Variants in ZMIZ1 observed in about 807,000 individuals in gnomAD.
The protein encoded by ZMIZ1 is zinc finger MIZ domain-containing protein 1.
A neutral mutation model predicts 113.9 loss-of-function variants in ZMIZ1; 17 were observed. The ratio of observed to expected loss-of-function variants is 0.15; its 90% CI spans 0.10 to 0.22. The LOEUF is 0.22. ZMIZ1 is among the 10% of genes least tolerant of loss of function. The pLI is 1.00. For missense variants in ZMIZ1, 1,059 were observed against 1,477.8 expected, an observed-to-expected ratio of 0.72 and a Z score of 4.65; for synonymous variants, 607 against 603.1, an observed-to-expected ratio of 1.01 and a Z score of -0.09.
intron 4 of ZMIZ1, among the ~76,000 whole-genome samples, chr10:79,196,078 C>T (rs886663463): frequency 3.3e-5 from 5 of 152,178 alleles, no homozygotes; most frequent in African/African-American, 9.7e-5. Context: ...GGCCTTTGAC[C>T]CTTTTACTCC....
chr10:79,280,945 T>A (rs1034006383), intron 8 of ZMIZ1, among the ~76,000 whole-genome samples: 1 of 152,354 alleles, frequency 6.6e-6, no homozygotes, highest in East Asian at 1.9e-4. Flanking sequence ...TTATTAATTC[T>A]AACTCAGCCG....
At chr10:79,197,039 C>T (rs1241391537) in intron 4 of ZMIZ1, among the ~76,000 whole-genome samples, 11 of 152,202 alleles carry the variant, frequency 7.2e-5, no homozygotes, top group Non-Finnish European at 1.5e-4. Context: ...TCAACAGCGC[C>T]CCCTGCTGGC....
chr10:79,247,413 G>C (rs1301368835), intron 7 of ZMIZ1, among the ~76,000 whole-genome samples: 3 of 152,200 alleles, frequency 2.0e-5, no homozygotes, highest in Admixed American at 2.0e-4. Flanking sequence ...ACAGAGCTGG[G>C]AGCTACCCCC....
chr10:79,193,861 A>G (rs1847715332), intron 4 of ZMIZ1, among the ~76,000 whole-genome samples: 1 of 152,176 alleles, frequency 6.6e-6, no homozygotes, highest in Non-Finnish European at 1.5e-5. Flanking sequence ...CGTTGGGGAC[A>G]AGGGATGTGA....
chr10:79,126,288 A>G (rs1321792970), intron 2 of ZMIZ1, among the ~76,000 whole-genome samples: 1 of 152,172 alleles, frequency 6.6e-6, no homozygotes, highest in Admixed American at 6.5e-5. Context: ...GACTCAGGAA[A>G]CCAGGGGCTG....
At chr10:79,124,677 T>C (rs948841879) in intron 2 of ZMIZ1, among the ~76,000 whole-genome samples, 6 of 152,182 alleles carry the variant, frequency 3.9e-5, no homozygotes, top group African/African-American at 1.4e-4. Flanking sequence ...TCTTTCCTCA[T>C]GCTGTAGGAG....
chr10:79,273,373 T>C (rs991558346), intron 7 of ZMIZ1, among the ~76,000 whole-genome samples: 1 of 151,752 alleles, frequency 6.6e-6, no homozygotes, highest in Non-Finnish European at 1.5e-5. Context: ...TCTTTCCTTT[T>C]TGGAGGGGAA....
chr10:79,249,358 C>T (rs1480034871), intron 7 of ZMIZ1, among the ~76,000 whole-genome samples: 4 of 152,202 alleles, frequency 2.6e-5, no homozygotes, highest in Non-Finnish European at 5.9e-5. Context: ...GAAGGACAGG[C>T]GGTTCGTGAC....
At chr10:79,076,622 T>C (rs1589244711) in intron 1 of ZMIZ1, among the ~76,000 whole-genome samples, 1 of 152,156 alleles carries the variant, frequency 6.6e-6, no homozygotes, top group African/African-American at 2.4e-5. Flanking sequence ...GATCATGAGG[T>C]CAGGAGTTTG....
At chr10:79,241,055 A>C (rs1437225411) in intron 7 of ZMIZ1, among the ~76,000 whole-genome samples, 6 of 152,188 alleles carry the variant, frequency 3.9e-5, no homozygotes, top group Non-Finnish European at 1.5e-5. Context: ...CTGCCATTGC[A>C]CAGAATGGGG....
chr10:79,300,159 G>A (rs546414453), intron 16 of ZMIZ1, among the ~76,000 whole-genome samples: 1 of 152,366 alleles, frequency 6.6e-6, no homozygotes, highest in Admixed American at 6.5e-5. Flanking sequence ...TGTGCTGCCT[G>A]CCTGCACCCT....
intron 7 of ZMIZ1, among the ~76,000 whole-genome samples, chr10:79,271,371 G>A (rs772667313): frequency 2.6e-5 from 4 of 152,204 alleles, no homozygotes; most frequent in African/African-American, 7.2e-5. Context: ...TGGAGGTAAC[G>A]CGGTCCCATC....
chr10:79,306,082 C>T lies in ZMIZ1; in HGVS notation c.2424-18C>T, dbSNP rs747371435. On this transcript the variant is annotated intron_variant, in intron 21 of 24. Transcript: ENST00000334512. ...CAGGCACCCCGGAGCCTCAGCTCTG[C>T]CACCCTTCCTCCCCCAGCTCCGAGT... 4 of 1,606,498 alleles carry T rather than the reference C, an allele frequency of 2.5e-6. No individual in the cohort carries two copies. In the South Asian group the frequency reaches 3.3e-5, roughly 13 times the overall value.
intron 4 of ZMIZ1, among the ~76,000 whole-genome samples, chr10:79,176,962 C>T (rs900218021): frequency 4.6e-5 from 7 of 152,228 alleles, no homozygotes; most frequent in South Asian, 2.1e-4. Context: ...CTGACAAAAC[C>T]GTGTAAACTG....
chr10:79,091,672 C>G (rs987582536), intron 1 of ZMIZ1, among the ~76,000 whole-genome samples: 2 of 152,150 alleles, frequency 1.3e-5, no homozygotes, highest in African/African-American at 2.4e-5. Flanking sequence ...AAAGGTACTT[C>G]TGGGCGGTGG....
At chr10:79,099,355 T>A (rs767430695) in intron 1 of ZMIZ1, among the ~76,000 whole-genome samples, 1 of 152,144 alleles carries the variant, frequency 6.6e-6, no homozygotes, top group Non-Finnish European at 1.5e-5. Context: ...TTCCCCAGGC[T>A]GCCTTTGAAA....
chr10:79,127,588 C>T (rs989744931), intron 2 of ZMIZ1, among the ~76,000 whole-genome samples: 6 of 152,054 alleles, frequency 3.9e-5, no homozygotes, highest in Admixed American at 2.0e-4. Context: ...AGGTGGGTGG[C>T]GTTTTCCAGA....
intron 7 of ZMIZ1, among the ~76,000 whole-genome samples, chr10:79,247,100 A>T (rs761433747): frequency 2.0e-5 from 3 of 152,196 alleles, no homozygotes; most frequent in Non-Finnish European, 4.4e-5. Flanking sequence ...TGCCGCCTCC[A>T]GCTCCCATGG....
chr10:79,135,282 G>A (rs896297729), intron 2 of ZMIZ1, among the ~76,000 whole-genome samples: 12 of 152,172 alleles, frequency 7.9e-5, no homozygotes, highest in Non-Finnish European at 1.3e-4. Flanking sequence ...GGTGGGCCAG[G>A]TCTGCAGCCA....
Sources: allele counts gnomAD v4.1 joint callset (sites outside exome capture counted in the v4.1 genomes callset), GRCh38; gene constraint gnomAD v4.1.1; transcripts MANE v1.5; gene names NCBI Gene and HGNC (gene_info 2026-07-23, HGNC 2026-07-21).